The following STAG2 variants were observed in gnomAD, a reference collection of about 807,000 sequenced individuals.
STAG2 encodes cohesin subunit SA-2.
STAG2 carries 14 observed loss-of-function variants against 108.1 expected under a neutral mutation model. The ratio of observed to expected loss-of-function variants is 0.13; its 90% CI spans 0.09 to 0.20. STAG2 has a LOEUF of 0.20. Ranked by LOEUF, STAG2 falls within the 10% of genes least tolerant of loss-of-function variation. The pLI is 1.00. For synonymous variants in STAG2, 307 were observed against 302.7 expected, an observed-to-expected ratio of 1.01 and a Z score of -0.15; for missense variants, 440 against 940.9, an observed-to-expected ratio of 0.47 and a Z score of 6.96.
intron 6 of STAG2, among the ~76,000 whole-genome samples, chrX:124,040,394 AC>A (rs2057673559): frequency 9.1e-6 from 1 of 109,329 alleles, no homozygotes; most frequent in South Asian, 3.9e-4. Context: ...TTGCTCTATC[AC>A]TTTTAGATTT....
At chrX:124,040,689 A>T (rs1340368725) in intron 6 of STAG2, among the ~76,000 whole-genome samples, 2 of 109,463 alleles carry the variant, frequency 1.8e-5, no homozygotes, top group Non-Finnish European at 3.8e-5. Flanking sequence ...TTAATTTCAC[A>T]GAAATGTTCA....
At chrX:124,066,294 C>G (rs180880790) in intron 22 of STAG2, 32 bp downstream of exon 22, 1 of 1,183,066 alleles carries the variant, frequency 8.5e-7, no homozygotes. Context: ...ACACATTTAT[C>G]TTTGAAAAGT....
chrX:124,084,292 T>C (rs1603162469), intron 29 of STAG2, among the ~76,000 whole-genome samples: 1 of 110,934 alleles, frequency 9.0e-6, no homozygotes, highest in South Asian at 3.8e-4. Context: ...TTACTTCTAG[T>C]GTTGGAGAGT....
chrX:124,077,500 A>T, intron 26 of STAG2, among the ~76,000 whole-genome samples: 1 of 111,899 alleles, frequency 8.9e-6, no homozygotes, highest in South Asian at 3.7e-4. Flanking sequence ...AAAGTTGTTT[A>T]TAGGCTGTTA....
intron 34 of STAG2, among the ~76,000 whole-genome samples, chrX:124,098,025 A>T (rs2059426060): frequency 1.8e-5 from 2 of 109,057 alleles, no homozygotes; most frequent in African/African-American, 6.7e-5. Context: ...GATTTGCAAA[A>T]AGGTGTTCTT....
intron 1 of STAG2, among the ~76,000 whole-genome samples, chrX:123,977,946 G>A (rs756730880): frequency 1.9e-5 from 2 of 102,833 alleles, no homozygotes; most frequent in South Asian, 4.6e-4. Flanking sequence ...GGGCTCAAGC[G>A]GTACTCTTAC....
intron 5 of STAG2, 29 bp downstream of exon 5, chrX:124,031,154 A>G (rs754189446): frequency 2.0e-5 from 23 of 1,176,102 alleles, no homozygotes; most frequent in Non-Finnish European, 4.6e-6. Context: ...TTCCCAGTTC[A>G]TTTGTACATT....
At position 124,086,538 on chromosome X, in the gene STAG2, CT is replaced by C; in HGVS notation, c.3054-5del. Reference sequence around the variant, plus strand: ...GTATCAAAGCTAACAGTTTCGATTTCTTTTCAAGGTATGTTTACTTGGAAAA... The same window carrying C: ...GTATCAAAGCTAACAGTTTCGATTTCTTTCAAGGTATGTTTACTTGGAAAA... On this transcript the variant is annotated splice_polypyrimidine_tract_variant and splice_region_variant and intron_variant, in intron 29 of 34. Coordinates refer to ENST00000371145, the MANE Select transcript of STAG2 (RefSeq NM_001042750.2). 1 of 1,188,701 alleles carries C rather than the reference CT, an allele frequency of 8.4e-7. No individual in the cohort carries two copies. The highest frequency in any genetic ancestry group is 2.2e-5 in the Admixed American group (1 of 45,427).
At chrX:124,080,054 A>G (rs1037929830) in intron 27 of STAG2, among the ~76,000 whole-genome samples, 5 of 111,043 alleles carry the variant, frequency 4.5e-5, no homozygotes, top group Non-Finnish European at 9.4e-5. Flanking sequence ...TTTGATAGGT[A>G]TGCATTGTGA....
At chrX:124,082,178 T>C (rs2058978765) in intron 28 of STAG2, among the ~76,000 whole-genome samples, 1 of 111,940 alleles carries the variant, frequency 8.9e-6, no homozygotes, top group African/African-American at 3.2e-5. Context: ...TTTGATTCCT[T>C]TGTCTCAAGT....
intron 34 of STAG2, among the ~76,000 whole-genome samples, chrX:124,096,681 C>T (rs760987201): frequency 3.6e-5 from 4 of 111,593 alleles, no homozygotes; most frequent in Non-Finnish European, 7.5e-5. Flanking sequence ...AATGCCCTGC[C>T]ATCTCCCTTT....
In STAG2 at chrX:124,000,702, A is replaced by G. The variant is rs376052267; in HGVS notation, c.-162-20665A>G. 1.5e-4 allele frequency among the ~76,000 whole-genome samples: 17 copies of G among 111,215 alleles called. No individual in the cohort carries two copies. In the East Asian group the frequency reaches 2.0e-3, roughly 13 times the overall value. ...TCTCAAGGGAAAAAAAGAAAAAGTT[A>G]ACTGTAAAACAGTCTTAGGTCCTTC... On this transcript the variant is annotated intron_variant, in intron 1 of 34. Transcript: ENST00000371145.
intron 1 of STAG2, among the ~76,000 whole-genome samples, chrX:123,971,545 G>T (rs2147537710): frequency 8.9e-6 from 1 of 111,886 alleles, no homozygotes; most frequent in East Asian, 2.8e-4. Context: ...GTTTTTGTTG[G>T]TACATGGTCA....
chrX:123,998,919 A>G (rs1006263413), intron 1 of STAG2, among the ~76,000 whole-genome samples: 10 of 110,669 alleles, frequency 9.0e-5, no homozygotes, highest in Admixed American at 1.9e-4. Context: ...AGCCTGGGCA[A>G]CATAGCGAGA....
intron 4 of STAG2, among the ~76,000 whole-genome samples, chrX:124,029,652 T>C (rs2057271005): frequency 8.9e-6 from 1 of 112,442 alleles, no homozygotes; most frequent in African/African-American, 3.2e-5. Flanking sequence ...AAGAATGTGC[T>C]ACAGAGACTG....
chrX:123,978,103 C>A (rs1375334906), intron 1 of STAG2, among the ~76,000 whole-genome samples: 1 of 108,365 alleles, frequency 9.2e-6, no homozygotes, highest in African/African-American at 3.4e-5. Context: ...TTTGGCCTCC[C>A]AAGTGTTGGG....
Position 124,066,143 on chromosome X carries a change from ATTTTTTTTTTTTT to A in STAG2, c.2097-17_2097-5del, listed in dbSNP as rs748906058. 6.8e-6 allele frequency: 4 copies of A among 590,495 alleles called. No homozygotes were observed. The highest frequency in any genetic ancestry group is 9.2e-5 in the South Asian group (2 of 21,795). The allele number at this position is 590,495 out of a possible 1,213,427, so 48.7% of individuals were successfully genotyped here. On this transcript the variant is annotated intron_variant, in intron 21 of 34. Coordinates refer to ENST00000371145, the MANE Select transcript of STAG2 (RefSeq NM_001042750.2). ...AGGCTTAGCTTTTTAATAAAACTTAATTTTTTTTTTTTTTTTTTTTTTTTTTTACAGTGCCCAT... is the reference window on the plus strand; with the variant it reads ...AGGCTTAGCTTTTTAATAAAACTTAATTTTTTTTTTTTTTACAGTGCCCAT...
At chrX:124,039,984 T>G (rs2057656279) in intron 6 of STAG2, among the ~76,000 whole-genome samples, 1 of 111,666 alleles carries the variant, frequency 9.0e-6, no homozygotes, top group Admixed American at 9.6e-5. Context: ...AAACTTAAAT[T>G]GTAAGGTTAA....
At chrX:123,995,090 C>T (rs1198063548) in intron 1 of STAG2, among the ~76,000 whole-genome samples, 3 of 110,751 alleles carry the variant, frequency 2.7e-5, no homozygotes, top group Non-Finnish European at 3.8e-5. Flanking sequence ...GTAGAGGGGC[C>T]GGTAGGTCGT....
Sources: allele counts gnomAD v4.1 joint callset (sites outside exome capture counted in the v4.1 genomes callset), GRCh38; gene constraint gnomAD v4.1.1; transcripts MANE v1.5; gene names NCBI Gene and HGNC (gene_info 2026-07-23, HGNC 2026-07-21).